PARP15: variants seen among roughly 807,000 people sequenced by gnomAD.
PARP15 encodes the protein poly(ADP-ribose) polymerase family member 15.
PARP15 carries 50 observed loss-of-function variants against 62.1 expected under a neutral mutation model. The ratio of observed to expected loss-of-function variants is 0.81; its 90% CI spans 0.64 to 1.02. PARP15 has a LOEUF of 1.02. PARP15 is among the 50% of genes least tolerant of loss of function. The pLI is 0.00. For missense variants in PARP15, 820 were observed against 826.5 expected (o/e 0.99, Z 0.10); for synonymous variants, 309 against 293.1 (o/e 1.05, Z -0.55).
At position 122,637,112 on chromosome 3, in the gene PARP15, T is replaced by C. The variant is rs1937414368; in HGVS notation, c.*1012T>C. 6.6e-6 allele frequency: 1 copy of C among 152,244 alleles called. No homozygotes were observed. Among genetic ancestry groups the C allele is most frequent in the Non-Finnish European group, 1.5e-5 (1 of 68,086 alleles). 9.4% of individuals were successfully genotyped at this position (152,244 alleles called of 1,614,324 possible). A position where few individuals can be genotyped will look rare whatever the true frequency, so the allele number is the denominator to read the frequency against. On this transcript the variant is annotated 3_prime_UTR_variant, in exon 12 of 12. Transcript: ENST00000464300. ...TTGCACAAGGGCATGAATACTCCAC[T>C]GGCAAGGATCATTGGGGGCCATCTT...
chr3:122,595,685 C>T (rs1321091665), intron 1 of PARP15, among the ~76,000 whole-genome samples: 2 of 152,110 alleles, frequency 1.3e-5, no homozygotes, highest in Non-Finnish European at 2.9e-5. Flanking sequence ...CATGCACCAC[C>T]ACACCCAGCT....
At chr3:122,584,110 A>G (rs1195524775) in intron 1 of PARP15, among the ~76,000 whole-genome samples, 1 of 152,176 alleles carries the variant, frequency 6.6e-6, no homozygotes, top group Non-Finnish European at 1.5e-5. Context: ...TCACTGTCCC[A>G]TATTGCCTGT....
chr3:122,584,670 C>T (rs571799935), intron 1 of PARP15, among the ~76,000 whole-genome samples: 22 of 150,364 alleles, frequency 1.5e-4, no homozygotes, highest in East Asian at 3.9e-4. Flanking sequence ...CTCCACACCC[C>T]GGGTTCAGGC....
chr3:122,619,701 G>A, intron 6 of PARP15, 80 bp from the exon 7 acceptor site: 1 of 1,220,804 alleles, frequency 8.2e-7, no homozygotes. Flanking sequence ...GGTGAGTTGA[G>A]CAGAAGTCTA....
At chr3:122,615,956 T>C (rs112393931) in intron 5 of PARP15, 99 bp downstream of exon 5, 1 of 1,189,564 alleles carries the variant, frequency 8.4e-7, no homozygotes, top group Admixed American at 2.2e-5. Context: ...CTAATTCACA[T>C]GAAGAACAAA....
In PARP15 at chr3:122,585,804, G is replaced by A. The variant is rs373284917; in HGVS notation, c.186+7951G>A. Among the ~76,000 whole-genome samples the A allele has an allele frequency of 4.6e-5, 7 of 152,158 alleles. No homozygotes were observed. In the East Asian group the frequency reaches 1.2e-3, roughly 25 times the overall value. On this transcript the variant is annotated intron_variant, in intron 1 of 11. Coordinates refer to ENST00000464300, the MANE Select transcript of PARP15 (RefSeq NM_001113523.3). ...CCCCTATTCCATTTCTGGAACTTTA[G>A]ACAGTTTACCACCCTGGTTGAGGAT...
At chr3:122,610,802 G>C in intron 3 of PARP15, 72 bp downstream of exon 3, 1 of 1,336,758 alleles carries the variant, frequency 7.5e-7, no homozygotes, top group Non-Finnish European at 9.9e-7. Context: ...GTATAGATCT[G>C]TGCTCAAGGG....
At chr3:122,632,633 T>C (rs1937123991) in intron 10 of PARP15, among the ~76,000 whole-genome samples, 1 of 152,208 alleles carries the variant, frequency 6.6e-6, no homozygotes, top group African/African-American at 2.4e-5. Flanking sequence ...CTTGTGGTTG[T>C]TGGATGGCTG....
Position 122,626,863 on chromosome 3 carries a change from A to C in PARP15, c.1268A>C (p.Asn423Thr), listed in dbSNP as rs969752737. 1 of 1,613,470 alleles carries C rather than the reference A, an allele frequency of 6.2e-7. No homozygotes were observed. Among genetic ancestry groups the C allele is most frequent in the Non-Finnish European group, 8.5e-7 (1 of 1,179,866 alleles). The change falls in exon 9 of 12, where the codon AAC becomes ACC. Residue 423 changes from asparagine to threonine, a missense_variant. Around this residue, in one of 3 missense-constraint regions of PARP15, gnomAD observed 731 missense variants for 727.7 expected, o/e 1.00. Transcript: ENST00000464300. ...AAAAACCCTATCACAGTTGCTGATA[A>C]CATAATCGATGCTATTGTAGACTTC... ...AGKNPITVAD[N>T]IIDAIVDFSS...
intron 1 of PARP15, among the ~76,000 whole-genome samples, chr3:122,605,031 A>G (rs1053919043): frequency 2.0e-5 from 3 of 151,938 alleles, no homozygotes; most frequent in Admixed American, 6.6e-5. Flanking sequence ...GCAACACTCC[A>G]TCTCAGAAAA....
At position 122,621,528 on chromosome 3, in the gene PARP15, A is replaced by G. The variant is rs145234289; in HGVS notation, c.1148A>G (p.Asp383Gly). ...ATAATTCATGTTCCTGGGGGAAAAG[A>G]TGTCAGGAAAACGGTCACCAGTGTT... ...KIIIHVPGGK[D>G]VRKTVTSVLE... Residue 383 changes from aspartate to glycine, a missense_variant, in exon 8 of 12, where the codon GAT (aspartate) becomes GGT (glycine). By Grantham distance (94) the Asp-to-Gly change is moderately conservative (BLOSUM62 -1). This residue lies in a region of PARP15 where 731 missense variants were observed against 727.7 expected (regional missense o/e 1.00). Coordinates refer to ENST00000464300, the MANE Select transcript of PARP15 (RefSeq NM_001113523.3). The G allele has an allele frequency of 5.0e-5, 80 of 1,614,060 alleles. 1 individual carries two copies. The East Asian group carries it at 1.6e-3, about 33-fold the overall frequency.
chr3:122,634,961 G>T (rs540786334), intron 10 of PARP15, 59 bp from the exon 11 acceptor site: 6 of 1,504,844 alleles, frequency 4.0e-6, no homozygotes, highest in Admixed American at 3.8e-5. Context: ...TCCACAACAA[G>T]TACAATATAC....
chr3:122,579,733 C>T (rs2080758887), intron 1 of PARP15, among the ~76,000 whole-genome samples: 1 of 151,960 alleles, frequency 6.6e-6, no homozygotes, highest in Non-Finnish European at 1.5e-5. Context: ...AATCCCAGCA[C>T]TTTGGGAGGC....
chr3:122,589,259 C>T (rs1403201430), intron 1 of PARP15, among the ~76,000 whole-genome samples: 5 of 152,188 alleles, frequency 3.3e-5, no homozygotes, highest in Admixed American at 2.0e-4. Flanking sequence ...TTAATCCCAT[C>T]ATGGGGTCCA....
chr3:122,634,966 A>G, intron 10 of PARP15, 54 bp from the exon 11 acceptor site: 1 of 1,543,308 alleles, frequency 6.5e-7, no homozygotes, highest in East Asian at 2.3e-5. Context: ...AACAAGTACA[A>G]TATACTGAGC....
Position 122,613,117 on chromosome 3 carries a change from T to G in PARP15, c.620T>G (p.Ile207Ser). 1 of 1,551,818 alleles carries G rather than the reference T, an allele frequency of 6.4e-7. No individual in the cohort carries two copies. Among genetic ancestry groups the G allele is most frequent in the Non-Finnish European group, 8.7e-7 (1 of 1,147,008 alleles). Residue 207 changes from isoleucine to serine, a missense_variant, in exon 4 of 12, where the codon ATT becomes AGT. Physicochemically the swap from Ile to Ser is moderately radical, Grantham distance 142. This residue lies in a region of PARP15 where 731 missense variants were observed against 727.7 expected (regional missense o/e 1.00). Transcript: ENST00000464300. ...LSFSSITFPM[I>S]GTGSLQFPKA... Reference sequence around the variant, plus strand: ...TTCTCATCAATCACATTTCCCATGATTGGAACAGGAAGTTTGCAGTTTCCC... The same window carrying G: ...TTCTCATCAATCACATTTCCCATGAGTGGAACAGGAAGTTTGCAGTTTCCC...
chr3:122,625,008 CTT>C (rs879306799), intron 8 of PARP15, among the ~76,000 whole-genome samples: 1 of 146,716 alleles, frequency 6.8e-6, no homozygotes, highest in Non-Finnish European at 1.5e-5. Flanking sequence ...TTTACCATTA[CTT>C]TTTTTTTTTA....
intron 1 of PARP15, among the ~76,000 whole-genome samples, chr3:122,585,720 C>T (rs1458929164): frequency 2.0e-5 from 3 of 152,180 alleles, no homozygotes; most frequent in Admixed American, 1.3e-4. Context: ...CTCACCCTTT[C>T]GTCAATCATC....
intron 7 of PARP15, 39 bp from the exon 8 acceptor site, chr3:122,621,405 T>C (rs764836761): frequency 1.3e-6 from 2 of 1,558,604 alleles, no homozygotes; most frequent in Non-Finnish European, 1.7e-6. Flanking sequence ...CTCCAGTAAT[T>C]AATGGGCTGC....
Sources: gnomAD v4.1 joint callset for allele counts (sites outside exome capture counted in the v4.1 genomes callset) on GRCh38, gnomAD v4.1.1 for gene constraint, gnomAD v4.1.1 regional missense constraint, MANE v1.5 for transcripts, NCBI Gene and HGNC (gene_info 2026-07-23, HGNC 2026-07-21) for gene names.